The following TCOF1 variants were observed in gnomAD, a reference collection of about 807,000 sequenced individuals.
TCOF1 encodes treacle ribosome biogenesis factor 1, also known as treacle protein.
In TCOF1, 33 loss-of-function variants were observed where a neutral mutation model predicts 149.0. That is an observed-to-expected ratio of 0.22 (90% CI 0.17 to 0.30). The LOEUF (loss-of-function observed/expected upper bound fraction) is 0.30. Among genes scored for constraint, TCOF1 ranks in the 10% least tolerant of loss-of-function variants. The pLI, the probability that TCOF1 is intolerant of heterozygous loss-of-function variation, is 1.00. For missense variants in TCOF1, 1,728 were observed against 1,840.7 expected, an observed-to-expected ratio of 0.94 and a Z score of 1.12; for synonymous variants, 789 against 738.8, an observed-to-expected ratio of 1.07 and a Z score of -1.10.
intron 14 of TCOF1, among the ~76,000 whole-genome samples, chr5:150,377,072 C>CT (rs936360481): frequency 1.3e-5 from 2 of 152,210 alleles, no homozygotes; most frequent in Admixed American, 1.3e-4. Context: ...GAGCCATGGG[C>CT]TGAAAGAGTT....
In TCOF1 at chr5:150,379,617, C is replaced by G. The variant is rs766311735; in HGVS notation, c.2744C>G (p.Pro915Arg). The G allele has an allele frequency of 1.9e-6, 3 of 1,614,028 alleles. No individual in the cohort carries two copies. The highest frequency in any genetic ancestry group is 2.5e-6 in the Non-Finnish European group (3 of 1,179,994). The change falls in exon 17 of 27, where the codon CCT becomes CGT. Residue 915 changes from proline to arginine, a missense_variant. By Grantham distance (103) the Pro-to-Arg change is moderately radical. Around this residue, in one of 2 missense-constraint regions of TCOF1, gnomAD observed 1,696 missense variants for 1,765.4 expected, o/e 0.96. Coordinates refer to ENST00000643257, the MANE Select transcript of TCOF1 (RefSeq NM_001371623.1). ...ESPRKGAAPT[P>R]PGKTGPSAAQ... Reference sequence around the variant, plus strand: ...CCCAGGAAAGGGGCTGCCCCAACACCTCCTGGGAAGACAGGGCCTTCGGCT... The same window carrying G: ...CCCAGGAAAGGGGCTGCCCCAACACGTCCTGGGAAGACAGGGCCTTCGGCT...
chr5:150,371,490 GC>G (rs888260575), intron 6 of TCOF1, among the ~76,000 whole-genome samples: 2 of 152,182 alleles, frequency 1.3e-5, no homozygotes, highest in Non-Finnish European at 2.9e-5. Flanking sequence ...TAGAAGTAGG[GC>G]ACTGACTGCC....
At chr5:150,393,294 A>G in intron 22 of TCOF1, 78 bp from the exon 23 acceptor site, 2 of 1,589,124 alleles carry the variant, frequency 1.3e-6, no homozygotes, top group Non-Finnish European at 1.7e-6. Flanking sequence ...TGCTTTCCTC[A>G]CAGCAGGCCA....
At position 150,388,431 on chromosome 5, in the gene TCOF1, G is replaced by A. The variant is rs1409565754; in HGVS notation, c.3046+343G>A. ...TGGTCAGGGTGGTAGTGAGCTTCCCGTCCTTGGTGGCATGTAAAGTAGGTT... is the reference window on the plus strand; with the variant it reads ...TGGTCAGGGTGGTAGTGAGCTTCCCATCCTTGGTGGCATGTAAAGTAGGTT... On this transcript the variant is annotated intron_variant, in intron 18 of 26. Transcript: ENST00000643257. Among the ~76,000 whole-genome samples the A allele has an allele frequency of 2.0e-5, 3 of 152,274 alleles. No homozygotes were observed. The South Asian group carries it at 6.2e-4, about 32-fold the overall frequency.
intron 17 of TCOF1, among the ~76,000 whole-genome samples, chr5:150,381,787 G>C (rs2150875015): frequency 6.6e-6 from 1 of 152,360 alleles, no homozygotes; most frequent in Non-Finnish European, 1.5e-5. Context: ...CAAAGTCCCA[G>C]GTTCCAGCTG....
At chr5:150,381,266 G>A (rs1405661736) in intron 17 of TCOF1, among the ~76,000 whole-genome samples, 1 of 152,198 alleles carries the variant, frequency 6.6e-6, no homozygotes, top group Non-Finnish European at 1.5e-5. Flanking sequence ...GCACTGAGAT[G>A]AATGCTCCCT....
intron 17 of TCOF1, chr5:150,383,656 A>C (rs1353674386): frequency 7.1e-7 from 1 of 1,417,760 alleles, no homozygotes; most frequent in African/African-American, 1.4e-5. Context: ...AGTTTCCCCA[A>C]ATTCTCATGA....
At chr5:150,381,169 C>T (rs562967336) in intron 17 of TCOF1, among the ~76,000 whole-genome samples, 2 of 152,152 alleles carry the variant, frequency 1.3e-5, no homozygotes. Flanking sequence ...GTGGCCAGGT[C>T]TTCCATTTCT....
At chr5:150,365,946 C>G (rs1761244458) in intron 3 of TCOF1, among the ~76,000 whole-genome samples, 1 of 151,700 alleles carries the variant, frequency 6.6e-6, no homozygotes, top group African/African-American at 2.4e-5. Context: ...CATGGCAAAA[C>G]CCTGTATCTA....
At chr5:150,381,028 G>C (rs991726483) in intron 17 of TCOF1, among the ~76,000 whole-genome samples, 1 of 151,940 alleles carries the variant, frequency 6.6e-6, no homozygotes, top group East Asian at 1.9e-4. Context: ...ATAAAAAAAA[G>C]AGATGATAAA....
chr5:150,398,582 C>A, intron 25 of TCOF1, 131 bp downstream of exon 25: 1 of 1,411,450 alleles, frequency 7.1e-7, no homozygotes, highest in South Asian at 1.2e-5. Context: ...GGTTGTGACA[C>A]ACCAGGGAAG....
At chr5:150,363,788 CA>C (rs2150447226) in intron 2 of TCOF1, among the ~76,000 whole-genome samples, 1 of 152,254 alleles carries the variant, frequency 6.6e-6, no homozygotes, top group Non-Finnish European at 1.5e-5. Flanking sequence ...GCATGTTCTG[CA>C]GGGGGAAGAG....
In TCOF1 at chr5:150,367,926, G is replaced by A. The variant is rs2150539616; in HGVS notation, c.378+9G>A. 2.5e-6 allele frequency: 4 copies of A among 1,614,054 alleles called. No homozygotes were observed. The highest frequency in any genetic ancestry group is 3.4e-6 in the Non-Finnish European group (4 of 1,179,962). The stretch of plus-strand genomic sequence containing the variant: ...TGAAAGAAAAAGCCAAGGTGAGTGG[G>A]ACTGCCTTCCAAGCTATTGCCTATG... On this transcript the variant is annotated intron_variant, in intron 4 of 26. Coordinates refer to ENST00000643257, the MANE Select transcript of TCOF1 (RefSeq NM_001371623.1).
rs114501807 is a variant in TCOF1 at position 150,384,209 on chromosome 5, T to G, written c.2860-3693T>G. On this transcript the variant is annotated intron_variant, in intron 17 of 26. Coordinates refer to ENST00000643257, the MANE Select transcript of TCOF1 (RefSeq NM_001371623.1). ...CAATAGGGTGCTCACTGCCTCTCAC[T>G]TTCCAATGGCACAGATTACAAAAGT... 2,356 of 1,002,876 alleles carry G rather than the reference T, an allele frequency of 2.3e-3. 56 individuals carry two copies. In the African/African-American group the frequency reaches 0.038, roughly 16 times the overall value. 62.1% of individuals were successfully genotyped at this position (1,002,876 alleles called of 1,614,324 possible). A position where few individuals can be genotyped will look rare whatever the true frequency, so the allele number is the denominator to read the frequency against.
intron 24 of TCOF1, 99 bp from the exon 25 acceptor site, chr5:150,398,255 G>T (rs914797247): frequency 1.9e-6 from 3 of 1,588,304 alleles, no homozygotes; most frequent in Non-Finnish European, 1.7e-6. Flanking sequence ...CTGGTGGTGT[G>T]GGGAAAGCTG....
chr5:150,398,219 G>A (rs1020028127), intron 24 of TCOF1, 135 bp from the exon 25 acceptor site: 6 of 1,556,452 alleles, frequency 3.9e-6, no homozygotes, highest in East Asian at 4.5e-5. Context: ...TCCACGCCCC[G>A]CCCTGCTGGC....
intron 18 of TCOF1, among the ~76,000 whole-genome samples, chr5:150,388,453 G>A (rs1766729465): frequency 6.6e-6 from 1 of 152,164 alleles, no homozygotes; most frequent in African/African-American, 2.4e-5. Flanking sequence ...ATGTAAAGTA[G>A]GTTAGGCAAT....
chr5:150,398,597 T>C (rs1394682068), intron 25 of TCOF1, 146 bp downstream of exon 25: 1 of 1,277,200 alleles, frequency 7.8e-7, no homozygotes, highest in Non-Finnish European at 1.1e-6. Context: ...GGGAAGAGGC[T>C]GGCAGGGCAT....
intron 9 of TCOF1, 48 bp downstream of exon 9, chr5:150,374,859 G>T: frequency 1.2e-6 from 2 of 1,609,184 alleles, no homozygotes; most frequent in Non-Finnish European, 1.7e-6. Context: ...CTAAACCCCA[G>T]CACCTGCATG....
Sources: gnomAD v4.1 joint callset for allele counts (sites outside exome capture counted in the v4.1 genomes callset) on GRCh38, gnomAD v4.1.1 for gene constraint, gnomAD v4.1.1 regional missense constraint, MANE v1.5 for transcripts, NCBI Gene and HGNC (gene_info 2026-07-23, HGNC 2026-07-21) for gene names.